The following ZFHX3 variants were observed in gnomAD, a reference collection of about 807,000 sequenced individuals.
ZFHX3 encodes zinc finger homeobox protein 3.
In ZFHX3, 42 loss-of-function variants were observed where a neutral mutation model predicts 279.1. The ratio of observed to expected loss-of-function variants is 0.15; its 90% CI spans 0.12 to 0.19. The LOEUF (loss-of-function observed/expected upper bound fraction) is 0.19, where lower values mean the gene tolerates loss of function less well. Among genes scored for constraint, ZFHX3 ranks in the 10% least tolerant of loss-of-function variants. ZFHX3 has a pLI of 1.00. For synonymous variants in ZFHX3, 2,293 were observed against 1,957.8 expected, an observed-to-expected ratio of 1.17 and a Z score of -4.52; for missense variants, 4,981 against 4,754.0, an observed-to-expected ratio of 1.05 and a Z score of -1.40.
At chr16:73,621,983 C>A (rs1489759046) in intron 2 of ZFHX3, among the ~76,000 whole-genome samples, 3 of 152,174 alleles carry the variant, frequency 2.0e-5, no homozygotes, top group Non-Finnish European at 4.4e-5. Flanking sequence ...ATGGACACAG[C>A]CCTTCCCTGA....
chr16:73,697,191 A>G (rs1052410609), intron 1 of ZFHX3, among the ~76,000 whole-genome samples: 14 of 152,196 alleles, frequency 9.2e-5, no homozygotes, highest in Non-Finnish European at 1.9e-4. Flanking sequence ...TGGCATTAGG[A>G]AAACATCTAT....
At chr16:73,248,137 ATGTG>A (rs1047030364) in intron 5 of ZFHX3, among the ~76,000 whole-genome samples, 12 of 147,046 alleles carry the variant, frequency 8.2e-5, no homozygotes, top group South Asian at 2.2e-4. Flanking sequence ...TGTGTATAAA[ATGTG>A]TGTGTTTGTC....
At chr16:73,867,354 C>G (rs1962051215) in intron 1 of ZFHX3, among the ~76,000 whole-genome samples, 1 of 152,166 alleles carries the variant, frequency 6.6e-6, no homozygotes, top group Non-Finnish European at 1.5e-5. Context: ...GAGCTGGGTT[C>G]TGCTTCACTC....
chr16:72,797,116 T>A lies in ZFHX3; in HGVS notation c.5566A>T (p.Asn1856Tyr). Reference protein sequence around the residue: ...HQQILPQQQQNQLSIAQSHSA... With the variant: ...HQQILPQQQQYQLSIAQSHSA... The stretch of plus-strand genomic sequence containing the variant: ...TGACTCTGGGCTATAGAGAGTTGGT[T>A]CTGCTGCTGCTGCGGCAAGATCTGC... The change falls in exon 9 of 10, where the codon AAC (asparagine) becomes TAC (tyrosine). Residue 1856 changes from asparagine to tyrosine, a missense_variant. Asn to Tyr is a moderately radical substitution (Grantham distance 143, BLOSUM62 -2). Around this residue, in one of 7 missense-constraint regions of ZFHX3, gnomAD observed 1,751 missense variants for 1,770.0 expected, o/e 0.99. Transcript: ENST00000268489. 1 of 1,613,902 alleles carries A rather than the reference T, an allele frequency of 6.2e-7. No homozygotes were observed. Among genetic ancestry groups the A allele is most frequent in the Non-Finnish European group, 8.5e-7 (1 of 1,180,020 alleles).
intron 1 of ZFHX3, among the ~76,000 whole-genome samples, chr16:73,839,378 A>G (rs1729630469): frequency 7.2e-6 from 1 of 138,870 alleles, no homozygotes; most frequent in South Asian, 2.3e-4. Flanking sequence ...TTAGGTCTGC[A>G]TGGGCAATGA....
intron 3 of ZFHX3, among the ~76,000 whole-genome samples, chr16:72,946,237 G>A (rs1051573405): frequency 2.2e-4 from 34 of 152,146 alleles, no homozygotes; most frequent in Non-Finnish European, 5.9e-5. Context: ...CCTACCTCAG[G>A]CCAAGCAGAG....
intron 2 of ZFHX3, among the ~76,000 whole-genome samples, chr16:73,573,641 A>T (rs570881505): frequency 1.3e-5 from 2 of 152,338 alleles, no homozygotes; most frequent in Admixed American, 6.5e-5. Context: ...CTTTATGATG[A>T]TGATTTAATT....
intron 8 of ZFHX3, among the ~76,000 whole-genome samples, chr16:73,065,121 G>A (rs568720883): frequency 2.0e-4 from 31 of 152,350 alleles, no homozygotes; most frequent in African/African-American, 6.0e-4. Context: ...AGGAAACCCT[G>A]CGATGGGCGG....
chr16:73,182,927 G>A (rs921907409), intron 5 of ZFHX3, among the ~76,000 whole-genome samples: 13 of 152,086 alleles, frequency 8.5e-5, no homozygotes, highest in Admixed American at 1.3e-4. Context: ...TCTTGGGGCC[G>A]GGCGTGGTGG....
At chr16:73,787,619 T>A (rs891356817) in intron 1 of ZFHX3, among the ~76,000 whole-genome samples, 61 of 152,322 alleles carry the variant, frequency 4.0e-4, no homozygotes, top group African/African-American at 1.4e-3. Flanking sequence ...AAGTTTCATG[T>A]AGCTTCATCT....
chr16:73,847,048 T>A (rs555984311), intron 1 of ZFHX3, among the ~76,000 whole-genome samples: 1 of 152,152 alleles, frequency 6.6e-6, no homozygotes, highest in South Asian at 2.1e-4. Flanking sequence ...ACGCCTGTAA[T>A]CCCAACATTT....
rs1362291194 is a variant in ZFHX3, at chr16:72,797,495, CTGCTGCTGTTGT to C, written c.5175_5186del (p.Gln1738_Gln1741del). On this transcript the variant is annotated inframe_deletion, in exon 9 of 10. Transcript: ENST00000268489. ...GTTGTTGTTGTTGTTGTTGCTGTTG[CTGCTGCTGTTGT>C]TGCTGCTGCCTGGATGCAATCATAT... 5.6e-6 allele frequency: 9 copies of C among 1,612,572 alleles called. No individual in the cohort carries two copies. The highest frequency in any genetic ancestry group is 1.7e-5 in the Admixed American group (1 of 59,830).
chr16:73,120,759 A>T (rs1255333925), intron 7 of ZFHX3, among the ~76,000 whole-genome samples: 2 of 144,292 alleles, frequency 1.4e-5, no homozygotes, highest in African/African-American at 5.2e-5. Flanking sequence ...GGTTCAAGTG[A>T]TTCTCCTACC....
In ZFHX3 at chr16:73,187,882, G is replaced by A. The variant is rs190613222; in HGVS notation, c.-1103-44051C>T. The stretch of plus-strand genomic sequence containing the variant: ...AGTTTGGAACTTTTTTTTTTGAGAC[G>A]GAGTCTCGCTCTGTCGCCCAGGCTG... On this transcript the variant is annotated intron_variant, in intron 5 of 17. Coordinates refer to the ZFHX3 transcript ENST00000641206. Among the ~76,000 whole-genome samples, 681 of 152,138 alleles carry A rather than the reference G, an allele frequency of 4.5e-3. 4 individuals carry two copies. Among genetic ancestry groups the A allele is most frequent in the South Asian group, 0.01 (50 of 4,824 alleles).
intron 3 of ZFHX3, among the ~76,000 whole-genome samples, chr16:72,900,442 C>T (rs79925106): frequency 0.042 from 6,356 of 152,246 alleles, 181 homozygotes; most frequent in East Asian, 0.15. Context: ...TTTTACTTGC[C>T]CTGTCTTACA....
At chr16:73,857,735 C>T (rs766098542) in intron 1 of ZFHX3, among the ~76,000 whole-genome samples, 1 of 152,160 alleles carries the variant, frequency 6.6e-6, no homozygotes, top group Non-Finnish European at 1.5e-5. Context: ...GAAGATTCCC[C>T]TTCTATGTGA....
intron 1 of ZFHX3, among the ~76,000 whole-genome samples, chr16:73,832,661 C>A (rs151266422): frequency 7.2e-5 from 11 of 152,160 alleles, no homozygotes; most frequent in Non-Finnish European, 1.3e-4. Context: ...AATCCTCCCC[C>A]CTCAGCCTCC....
intron 4 of ZFHX3, among the ~76,000 whole-genome samples, chr16:73,297,372 A>G (rs2014941768): frequency 6.6e-6 from 1 of 151,934 alleles, no homozygotes; most frequent in African/African-American, 2.4e-5. Flanking sequence ...ACAAACCTAC[A>G]TGTGTGTTGA....
At chr16:73,846,041 T>A (rs745756860) in intron 1 of ZFHX3, among the ~76,000 whole-genome samples, 2 of 152,156 alleles carry the variant, frequency 1.3e-5, no homozygotes, top group Non-Finnish European at 2.9e-5. Context: ...TCAAGCAATC[T>A]TCTCACATAG....
Sources: gnomAD v4.1 joint callset for allele counts (sites outside exome capture counted in the v4.1 genomes callset) on GRCh38, gnomAD v4.1.1 for gene constraint, gnomAD v4.1.1 regional missense constraint, MANE v1.5 for transcripts, NCBI Gene and HGNC (gene_info 2026-07-23, HGNC 2026-07-21) for gene names.